Variants in ADCY5 observed in about 807,000 individuals in gnomAD.
ADCY5 encodes adenylate cyclase 5, also known as adenylate cyclase type 5.
ADCY5 carries 30 observed loss-of-function variants against 119.7 expected under a neutral mutation model. That is an observed-to-expected ratio of 0.25 (90% CI 0.19 to 0.34). The LOEUF is 0.34. Ranked by LOEUF, ADCY5 falls within the 10% of genes least tolerant of loss-of-function variation. The pLI is 1.00. For missense variants in ADCY5, 1,324 were observed against 1,775.2 expected (o/e 0.75, Z 4.57); for synonymous variants, 753 against 762.2 (o/e 0.99, Z 0.20).
chr3:123,436,817 A>G (rs1945626421), intron 1 of ADCY5, among the ~76,000 whole-genome samples: 1 of 152,224 alleles, frequency 6.6e-6, no homozygotes, highest in Non-Finnish European at 1.5e-5. Flanking sequence ...CATGCTATCA[A>G]ATGGAAGAGA....
chr3:123,398,748 C>T (rs953110731), intron 1 of ADCY5, among the ~76,000 whole-genome samples: 1 of 152,168 alleles, frequency 6.6e-6, no homozygotes, highest in African/African-American at 2.4e-5. Context: ...ATGCCATTAA[C>T]CCCCTCCTGT....
At chr3:123,396,815 C>CGAGAGAGAGAGAGAGAGAG (rs1355996697) in intron 1 of ADCY5, among the ~76,000 whole-genome samples, 1 of 49,266 alleles carries the variant, frequency 2.0e-5, no homozygotes, top group East Asian at 4.3e-4. Context: ...GGCAGGCAGG[C>CGAGAGAGAGAGAGAGAGAG]AGGCGAGAGA....
chr3:123,350,712 G>C lies in ADCY5; in HGVS notation c.1284+1720C>G, dbSNP rs74746562. Among the ~76,000 whole-genome samples, 858 of 152,334 alleles carry C rather than the reference G, an allele frequency of 5.6e-3. 10 individuals are homozygous for C. The highest frequency in any genetic ancestry group is 0.02 in the African/African-American group (825 of 41,574). ...GAAAGCTTCCCCTCCTCAGCACATT[G>C]GCTCCGAATATGGAATGGCAAAAAT... is the stretch of plus-strand genomic sequence containing the variant. On this transcript the variant is annotated intron_variant, in intron 2 of 20. Coordinates refer to ENST00000462833, the MANE Select transcript of ADCY5 (RefSeq NM_183357.3).
chr3:123,419,310 C>T (rs1210118939), intron 1 of ADCY5: 4 of 555,754 alleles, frequency 7.2e-6, no homozygotes, highest in Non-Finnish European at 9.1e-6. Flanking sequence ...TGAATGGCAG[C>T]ACTATTCCAT....
At chr3:123,446,598 G>A (rs1945819371) in intron 1 of ADCY5, among the ~76,000 whole-genome samples, 1 of 152,246 alleles carries the variant, frequency 6.6e-6, no homozygotes, top group Non-Finnish European at 1.5e-5. Flanking sequence ...CTTTAAGAGA[G>A]TCACCAGCTA....
At position 123,448,459 on chromosome 3, in the gene ADCY5, G is replaced by T; in HGVS notation, c.87C>A (p.Arg29=). 1 of 1,295,734 alleles carries T rather than the reference G, an allele frequency of 7.7e-7. No homozygotes were observed. The highest frequency in any genetic ancestry group is 9.8e-7 in the Non-Finnish European group (1 of 1,023,970). The allele number at this position is 1,295,734 out of a possible 1,614,324, so 80.3% of individuals were successfully genotyped here. A position where few individuals can be genotyped will look rare whatever the true frequency, so the allele number is the denominator to read the frequency against. Residue 29 remains arginine (R), a synonymous_variant, in exon 1 of 21, where the codon CGC becomes CGA. Coordinates refer to ENST00000462833, the MANE Select transcript of ADCY5 (RefSeq NM_183357.3). ...GGGAATCGGCCTCGCCCCACGCAGA[G>T]CGGTGTTCGGGGCCTCCCCGGGGCG... is the stretch of plus-strand genomic sequence containing the variant. ...APAPRGGPEH[R]SAWGEADSRA...
At chr3:123,296,296 C>T in intron 16 of ADCY5, 80 bp from the exon 17 acceptor site, 1 of 1,487,268 alleles carries the variant, frequency 6.7e-7, no homozygotes, top group East Asian at 2.3e-5. Flanking sequence ...CCACCCACTG[C>T]TGGCCCTGTT....
chr3:123,374,371 G>A (rs372796519), intron 1 of ADCY5, among the ~76,000 whole-genome samples: 1 of 152,134 alleles, frequency 6.6e-6, no homozygotes, highest in Non-Finnish European at 1.5e-5. Context: ...GCAATAAGGA[G>A]CCACTACAAG....
chr3:123,291,179 C>T lies in ADCY5; in HGVS notation c.3261G>A (p.Leu1087=). Residue 1087 remains leucine (L), a synonymous_variant, in exon 18 of 21, where the codon CTG becomes CTA. Transcript: ENST00000462833. ...IANFSEFYVE[L]EANNEGVECL... The stretch of plus-strand genomic sequence containing the variant: ...ACTCGACACCCTCGTTGTTGGCCTC[C>T]AGCTCAACGTAGAACTCGGAGAAGT... The T allele has an allele frequency of 6.2e-7, 1 of 1,614,120 alleles. No individual in the cohort carries two copies. The highest frequency in any genetic ancestry group is 8.5e-7 in the Non-Finnish European group (1 of 1,180,050).
chr3:123,313,425 G>C (rs1046955152), intron 12 of ADCY5, among the ~76,000 whole-genome samples: 1 of 152,212 alleles, frequency 6.6e-6, no homozygotes, highest in Admixed American at 6.5e-5. Flanking sequence ...CCTAGTGAGC[G>C]TCAGGGAGGA....
chr3:123,378,584 G>A (rs995101928), intron 1 of ADCY5, among the ~76,000 whole-genome samples: 1 of 152,190 alleles, frequency 6.6e-6, no homozygotes, highest in East Asian at 1.9e-4. Context: ...CACTCCTCGG[G>A]CTCCAGATGG....
rs752962640 is a variant in ADCY5 at position 123,332,597 on chromosome 3, G to A, written c.1485C>T (p.Asn495=). The part of the protein sequence containing the change: ...CTAQELVMTL[N]ELFARFDKLA... ...GCTTGTCAAAGCGGGCGAAGAGCTC[G>A]TTGAGGGTCATGACCAGTTCCTGTG... is the stretch of plus-strand genomic sequence containing the variant. Residue 495 remains asparagine (N), a synonymous_variant, in exon 4 of 21, where the codon AAC becomes AAT. Transcript: ENST00000462833. 2.1e-5 allele frequency: 34 copies of A among 1,613,650 alleles called. No individual in the cohort carries two copies. The highest frequency in any genetic ancestry group is 1.6e-4 in the Middle Eastern group (1 of 6,082).
At chr3:123,320,083 A>G (rs909707813) in intron 9 of ADCY5, among the ~76,000 whole-genome samples, 2 of 152,214 alleles carry the variant, frequency 1.3e-5, no homozygotes, top group Non-Finnish European at 2.9e-5. Context: ...CTCTGTTAAC[A>G]TATTATATTA....
At chr3:123,353,516 A>C (rs1170819366) in intron 1 of ADCY5, among the ~76,000 whole-genome samples, 2 of 152,138 alleles carry the variant, frequency 1.3e-5, no homozygotes, top group African/African-American at 4.8e-5. Flanking sequence ...TCCGGCTCCT[A>C]GGCTGTGGGG....
chr3:123,345,176 A>G (rs1199618212), intron 3 of ADCY5, among the ~76,000 whole-genome samples: 34 of 152,156 alleles, frequency 2.2e-4, no homozygotes, highest in Non-Finnish European at 1.0e-4. Flanking sequence ...CTGACCAAAC[A>G]CCCTTGCTGG....
At chr3:123,295,630 G>A (rs1939450524) in intron 17 of ADCY5, among the ~76,000 whole-genome samples, 1 of 152,128 alleles carries the variant, frequency 6.6e-6, no homozygotes, top group South Asian at 2.1e-4. Context: ...GAAACCTTTG[G>A]TGCCAGTTCC....
intron 3 of ADCY5, among the ~76,000 whole-genome samples, chr3:123,339,680 C>CCAT (rs968893893): frequency 2.6e-5 from 4 of 152,146 alleles, no homozygotes; most frequent in Non-Finnish European, 5.9e-5. Context: ...CGAGGCATGT[C>CCAT]CTAGATTCGA....
At chr3:123,425,331 C>T (rs1029461300) in intron 1 of ADCY5, among the ~76,000 whole-genome samples, 1 of 152,208 alleles carries the variant, frequency 6.6e-6, no homozygotes, top group East Asian at 1.9e-4. Context: ...CGGTTATCAA[C>T]AGCCCTCGCC....
intron 1 of ADCY5, among the ~76,000 whole-genome samples, chr3:123,403,380 CAAAAAAAAAAAAA>C (rs35626615): frequency 1.5e-5 from 1 of 68,510 alleles, no homozygotes; most frequent in Admixed American, 1.6e-4. Flanking sequence ...GACCCTGTCT[CAAAAAAAAAAAAA>C]AAAAAAAAAG....
Sources: gnomAD v4.1 joint callset for allele counts (sites outside exome capture counted in the v4.1 genomes callset) on GRCh38, gnomAD v4.1.1 for gene constraint, MANE v1.5 for transcripts, NCBI Gene and HGNC (gene_info 2026-07-23, HGNC 2026-07-21) for gene names.